TMPRSS15: variants seen among roughly 807,000 people sequenced by gnomAD.
TMPRSS15 encodes the protein enteropeptidase.
A neutral mutation model predicts 125.3 loss-of-function variants in TMPRSS15; 128 were observed. That is an observed-to-expected ratio of 1.02 (90% CI 0.89 to 1.18). The LOEUF (loss-of-function observed/expected upper bound fraction) is 1.18. TMPRSS15 is among the 50% of genes most tolerant of loss of function. The pLI, the probability that TMPRSS15 is intolerant of heterozygous loss-of-function variation, is 0.00. For synonymous variants in TMPRSS15, 446 were observed against 423.2 expected, an observed-to-expected ratio of 1.05 and a Z score of -0.66; for missense variants, 1,283 against 1,212.7, an observed-to-expected ratio of 1.06 and a Z score of -0.86.
intron 13 of TMPRSS15, among the ~76,000 whole-genome samples, chr21:18,332,555 C>A (rs1025951484): frequency 8.6e-5 from 13 of 152,014 alleles, no homozygotes; most frequent in Admixed American, 7.2e-4. Flanking sequence ...TACCATCTGA[C>A]ACCAGTCAGA....
upstream of TMPRSS15, among the ~76,000 whole-genome samples, chr21:18,408,215 C>G (rs974152278): frequency 6.6e-6 from 1 of 152,172 alleles, no homozygotes; most frequent in Non-Finnish European, 1.5e-5. Flanking sequence ...TGGTTTTATA[C>G]TCTGACTGTA....
intron 1 of TMPRSS15, among the ~76,000 whole-genome samples, chr21:18,411,867 T>C (rs1187382585): frequency 6.6e-6 from 1 of 152,104 alleles, no homozygotes; most frequent in Admixed American, 6.5e-5. Flanking sequence ...TTAACTCTTC[T>C]GAAGGGAAGA....
chr21:18,467,518 A>G (rs1005607361), intron 1 of TMPRSS15, among the ~76,000 whole-genome samples: 1 of 152,156 alleles, frequency 6.6e-6, no homozygotes, highest in African/African-American at 2.4e-5. Flanking sequence ...AATACTGAGA[A>G]GAAAATAGCA....
chr21:18,453,582 C>T (rs1341651907), intron 1 of TMPRSS15, among the ~76,000 whole-genome samples: 1 of 152,144 alleles, frequency 6.6e-6, no homozygotes, highest in African/African-American at 2.4e-5. Flanking sequence ...GCTTATTTTG[C>T]AGTTTATGCA....
At chr21:18,296,902 T>C (rs1007417635) in intron 19 of TMPRSS15, among the ~76,000 whole-genome samples, 2 of 152,370 alleles carry the variant, frequency 1.3e-5, no homozygotes, top group Middle Eastern at 6.8e-3. Context: ...ATTTTTTTAC[T>C]GGTTAAGCTC....
chr21:18,404,817 C>T (rs890201029), upstream of TMPRSS15, among the ~76,000 whole-genome samples: 1 of 151,544 alleles, frequency 6.6e-6, no homozygotes, highest in Non-Finnish European at 1.5e-5. Context: ...CCTGTTGCCC[C>T]CAAACTCAAG....
chr21:18,307,993 A>T (rs889265447), intron 18 of TMPRSS15, among the ~76,000 whole-genome samples: 5 of 152,186 alleles, frequency 3.3e-5, no homozygotes, highest in African/African-American at 9.6e-5. Context: ...GGGAAAGCCC[A>T]GTCATCCGGG....
chr21:18,415,027 GT>G (rs200372734), intron 1 of TMPRSS15, among the ~76,000 whole-genome samples: 5 of 150,506 alleles, frequency 3.3e-5, no homozygotes, highest in African/African-American at 7.3e-5. Flanking sequence ...GCCCTTATCT[GT>G]TTTTTTTTGA....
Position 18,315,180 on chromosome 21 carries a change from C to A in TMPRSS15, c.1998G>T (p.Leu666=). ...CTTCATCTGAGCCATCCTCACAGTG[C>A]AGATGACCGTCACAGAGATTCACCA... ...VPLVNLCDGH[L]HCEDGSDEAD... The change falls in exon 17 of 25, where the codon CTG becomes CTT. Residue 666 remains leucine (L), a synonymous_variant. Transcript: ENST00000284885. The A allele has an allele frequency of 6.2e-7, 1 of 1,613,806 alleles. No individual in the cohort carries two copies. The highest frequency in any genetic ancestry group is 1.7e-5 in the Admixed American group (1 of 60,026).
chr21:18,279,588 C>T (rs1488232910), intron 22 of TMPRSS15, among the ~76,000 whole-genome samples: 1 of 151,646 alleles, frequency 6.6e-6, no homozygotes, highest in Non-Finnish European at 1.5e-5. Context: ...CCCACCTCGG[C>T]CTCCCAAAGT....
rs769779994 is a variant in TMPRSS15 at position 18,275,285 on chromosome 21, T to C, written c.2816A>G (p.Glu939Gly). 1.9e-6 allele frequency: 3 copies of C among 1,613,974 alleles called. No individual in the cohort carries two copies. Among genetic ancestry groups the C allele is most frequent in the Non-Finnish European group, 2.5e-6 (3 of 1,179,998 alleles). ...TTCTGGCATCTGCTGTTGGCATCTC[T>C]CATTTGATAGAAGAGGAACATCAGC... ...QEADVPLLSNERCQQQMPEYN... is the reference protein window; with the variant it reads ...QEADVPLLSNGRCQQQMPEYN... Residue 939 changes from glutamate (E) to glycine (G), a missense_variant, in exon 24 of 25, where the codon GAG (glutamate) becomes GGG (glycine). Transcript: ENST00000284885.
chr21:18,414,264 TA>T (rs1284531384), intron 1 of TMPRSS15, among the ~76,000 whole-genome samples: 1 of 152,180 alleles, frequency 6.6e-6, no homozygotes, highest in Non-Finnish European at 1.5e-5. Flanking sequence ...GCCAACAATG[TA>T]AAATCATCAC....
In TMPRSS15 at chr21:18,484,531, T is replaced by A. The variant is rs192049940; in HGVS notation, c.10+1268A>T. 4.9e-3 allele frequency among the ~76,000 whole-genome samples: 741 copies of A among 151,636 alleles called. 8 individuals carry two copies. Among genetic ancestry groups the A allele is most frequent in the African/African-American group, 0.015 (604 of 41,430 alleles). ...CTTTTCCTTCTCTCTAAAAAAAAAA[T>A]TTTTATTCATTCATTCATTCATTCA... On this transcript the variant is annotated intron_variant, in intron 1 of 7. Transcript: ENST00000422787.
chr21:18,463,233 A>G lies in TMPRSS15; in HGVS notation c.10+22566T>C, dbSNP rs1978585501. On this transcript the variant is annotated intron_variant, in intron 1 of 7. Transcript: ENST00000422787. ...TAAAGGGATGGAGGAATATTTACCA[A>G]GCAAATGGAAAGCAAAAAAAAAAAA... is the stretch of plus-strand genomic sequence containing the variant. Among the ~76,000 whole-genome samples the G allele has an allele frequency of 2.3e-5, 3 of 133,152 alleles. No homozygotes were observed. The South Asian group carries it at 8.1e-4, about 36-fold the overall frequency. The allele number at this position is 133,152 out of a possible 152,430, so 87.4% of individuals were successfully genotyped here. A position where few individuals can be genotyped will look rare whatever the true frequency, so the allele number is the denominator to read the frequency against.
chr21:18,360,933 A>G (rs1271326452), intron 7 of TMPRSS15, among the ~76,000 whole-genome samples: 1 of 152,136 alleles, frequency 6.6e-6, no homozygotes, highest in East Asian at 1.9e-4. Flanking sequence ...CATCAAGATG[A>G]CAGCTATCAT....
intron 1 of TMPRSS15, among the ~76,000 whole-genome samples, chr21:18,476,641 T>C (rs891592923): frequency 2.0e-5 from 3 of 152,180 alleles, no homozygotes; most frequent in African/African-American, 7.2e-5. Context: ...TCCATGTAGA[T>C]AGATGGATTT....
At chr21:18,396,546 G>A (rs1161939088) in intron 3 of TMPRSS15, among the ~76,000 whole-genome samples, 1 of 151,928 alleles carries the variant, frequency 6.6e-6, no homozygotes, top group East Asian at 1.9e-4. Context: ...AGGCCGAGGT[G>A]GGCGGATCAC....
At chr21:18,471,650 A>G (rs550174104) in intron 1 of TMPRSS15, among the ~76,000 whole-genome samples, 1 of 152,216 alleles carries the variant, frequency 6.6e-6, no homozygotes, top group African/African-American at 2.4e-5. Context: ...TGAAAACTTA[A>G]TGATAATTTT....
At chr21:18,481,957 A>C (rs932718967) in intron 1 of TMPRSS15, among the ~76,000 whole-genome samples, 1 of 151,736 alleles carries the variant, frequency 6.6e-6, no homozygotes, top group Non-Finnish European at 1.5e-5. Context: ...GATTCAGGAA[A>C]ACATTTTTCT....
Sources: gnomAD v4.1 joint callset for allele counts (sites outside exome capture counted in the v4.1 genomes callset) on GRCh38, gnomAD v4.1.1 for gene constraint, MANE v1.5 for transcripts, NCBI Gene and HGNC (gene_info 2026-07-23, HGNC 2026-07-21) for gene names.